PGM3: variants seen among roughly 807,000 people sequenced by gnomAD.
PGM3 encodes phosphoglucomutase 3.
In PGM3, 40 loss-of-function variants were observed where a neutral mutation model predicts 66.2. The ratio of observed to expected loss-of-function variants is 0.60; its 90% CI spans 0.47 to 0.79. PGM3 has a LOEUF of 0.79. PGM3 is among the 30% of genes least tolerant of loss of function. The pLI is 0.00. For missense variants in PGM3, 537 were observed against 643.4 expected, an observed-to-expected ratio of 0.83 and a Z score of 1.79; for synonymous variants, 191 against 224.2, an observed-to-expected ratio of 0.85 and a Z score of 1.32.
the PGM3 span, among the ~76,000 whole-genome samples, chr6:83,149,052 G>T: frequency 1.7e-4 from 26 of 151,946 alleles, no homozygotes; most frequent in African/African-American, 6.0e-4. Context: ...GTGAGAGGAG[G>T]AAACAGTCTA....
chr6:83,190,092 T>A (rs188559135), intron 2 of PGM3, among the ~76,000 whole-genome samples: 2 of 151,718 alleles, frequency 1.3e-5, no homozygotes, highest in Admixed American at 1.3e-4. Flanking sequence ...TAATATATAT[T>A]GAAAATGTGT....
chr6:83,162,174 C>G (rs1399127924), downstream of PGM3, among the ~76,000 whole-genome samples: 2 of 152,030 alleles, frequency 1.3e-5, no homozygotes, highest in African/African-American at 4.8e-5. Context: ...TTGATGAATC[C>G]TATGCGGGGA....
chr6:83,176,320 T>C (rs557052475), intron 8 of PGM3, among the ~76,000 whole-genome samples: 1 of 152,232 alleles, frequency 6.6e-6, no homozygotes, highest in African/African-American at 2.4e-5. Context: ...AGTGGGGGCG[T>C]GACATGACCT....
intron 4 of PGM3, among the ~76,000 whole-genome samples, chr6:83,185,660 G>A (rs1788527473): frequency 6.6e-6 from 1 of 152,128 alleles, no homozygotes; most frequent in African/African-American, 2.4e-5. Context: ...TCGGGAGGCT[G>A]AGGCAGGAGA....
chr6:83,170,844 C>A (rs1786942575), intron 11 of PGM3: 1 of 168,606 alleles, frequency 5.9e-6, no homozygotes, highest in African/African-American at 2.4e-5. Context: ...GAACAATCAG[C>A]CATTTCTGTG....
At chr6:83,183,009 G>T (rs776474171) in intron 4 of PGM3, 31 bp from the exon 5 acceptor site, 2 of 1,594,968 alleles carry the variant, frequency 1.3e-6, no homozygotes, top group African/African-American at 1.3e-5. Context: ...GCAATTCACC[G>T]CATTTCTTAA....
At chr6:83,152,148 CTT>C in the PGM3 span, 1 of 1,172,040 alleles carries the variant, frequency 8.5e-7, no homozygotes. Context: ...TAACAAGTAA[CTT>C]TTTTTCAGTG....
At position 83,188,582 on chromosome 6, in the gene PGM3, T is replaced by A. The variant is rs752782968; in HGVS notation, c.389+32A>T. The A allele has an allele frequency of 2.0e-5, 9 of 447,158 alleles. No individual in the cohort carries two copies. In the South Asian group the frequency reaches 3.1e-4, roughly 15 times the overall value. 27.7% of individuals were successfully genotyped at this position (447,158 alleles called of 1,614,324 possible). ...ATCGTTTATATCACGTTCCCAAAGG[T>A]TTTTTTTTTTACCAGTAACTCTTAT... On this transcript the variant is annotated intron_variant, in intron 3 of 12. Coordinates refer to ENST00000513973, the MANE Select transcript of PGM3 (RefSeq NM_015599.3).
At chr6:83,188,140 A>G (rs990425217) in intron 3 of PGM3, among the ~76,000 whole-genome samples, 1 of 152,256 alleles carries the variant, frequency 6.6e-6, no homozygotes, top group African/African-American at 2.4e-5. Flanking sequence ...TTTTGTTAAG[A>G]AAGGCAAAAG....
the PGM3 span, chr6:83,151,565 G>A: frequency 2.6e-5 from 41 of 1,565,708 alleles, no homozygotes; most frequent in Non-Finnish European, 3.0e-5. Context: ...GATATTTCCC[G>A]TTTCTGTTTT....
Position 83,167,694 on chromosome 6 carries a change from G to A in PGM3, c.*1540C>T. On this transcript the variant is annotated 3_prime_UTR_variant, in exon 13 of 13. Transcript: ENST00000513973. ...CTCCATGTAAAACTAATAAATGGCA[G>A]TAAAAGGTCTCAGAAGCACCAAGGG... 1 of 1,385,236 alleles carries A rather than the reference G, an allele frequency of 7.2e-7. No homozygotes were observed. Among genetic ancestry groups the A allele is most frequent in the Non-Finnish European group, 9.3e-7 (1 of 1,073,336 alleles). 85.8% of individuals were successfully genotyped at this position (1,385,236 alleles called of 1,614,324 possible). A position where few individuals can be genotyped will look rare whatever the true frequency, so the allele number is the denominator to read the frequency against.
chr6:83,191,367 C>T (rs1789035934), intron 1 of PGM3: 4 of 721,738 alleles, frequency 5.5e-6, no homozygotes, highest in Non-Finnish European at 9.3e-6. Context: ...CCAATGAGCT[C>T]AAAGATCATT....
chr6:83,159,610 C>T, downstream of PGM3: 1 of 689,526 alleles, frequency 1.5e-6, no homozygotes, highest in East Asian at 2.7e-5. Flanking sequence ...TTTTTGCATT[C>T]TCAAAGAAGA....
At chr6:83,184,941 A>G (rs968147541) in intron 4 of PGM3, among the ~76,000 whole-genome samples, 3 of 152,192 alleles carry the variant, frequency 2.0e-5, no homozygotes, top group Admixed American at 6.5e-5. Flanking sequence ...TCTTCTCCCT[A>G]TGTTGCAGCT....
the PGM3 span, chr6:83,148,742 A>G: frequency 6.7e-7 from 1 of 1,498,674 alleles, no homozygotes; most frequent in Non-Finnish European, 8.9e-7. Context: ...TTTTGTATAA[A>G]CTATATTATC....
chr6:83,191,958 CAAAAAAAAAAA>C (rs1219337174), intron 1 of PGM3, among the ~76,000 whole-genome samples: 3 of 39,364 alleles, frequency 7.6e-5, no homozygotes, highest in East Asian at 8.9e-4. Context: ...GACTCGGTCT[CAAAAAAAAAAA>C]AAAAAAAAAA....
In PGM3 at chr6:83,179,847, G is replaced by C; in HGVS notation, c.908C>G (p.Thr303Arg). The part of the protein sequence containing the change: ...FHLIDGDKIA[T>R]LISSFLKELL... ...CTCTTTAAGGAAACTGCTAATTAAC[G>C]TTGCTATCTTGTCTCCATCTATGAG... Residue 303 changes from threonine to arginine, a missense_variant, in exon 7 of 13, where the codon ACG becomes AGG. Physicochemically the swap from Thr to Arg is moderately conservative, Grantham distance 71. Coordinates refer to ENST00000513973, the MANE Select transcript of PGM3 (RefSeq NM_015599.3). 6.2e-7 allele frequency: 1 copy of C among 1,612,694 alleles called. No homozygotes were observed.
At chr6:83,187,847 G>A (rs949253535) in intron 3 of PGM3, among the ~76,000 whole-genome samples, 2 of 152,068 alleles carry the variant, frequency 1.3e-5, no homozygotes, top group Non-Finnish European at 2.9e-5. Context: ...AGGAAAAAAC[G>A]TTTCATCACT....
the PGM3 span, among the ~76,000 whole-genome samples, chr6:83,155,311 A>AT: frequency 7.9e-5 from 12 of 152,008 alleles, no homozygotes. Context: ...AAAAAAAAAA[A>AT]AAAATTAAAC....
Sources: allele counts gnomAD v4.1 joint callset (sites outside exome capture counted in the v4.1 genomes callset), GRCh38; gene constraint gnomAD v4.1.1; transcripts MANE v1.5; gene names NCBI Gene and HGNC (gene_info 2026-07-23, HGNC 2026-07-21).